The following DST variants were observed in gnomAD, a reference collection of about 807,000 sequenced individuals.
DST encodes dystonin.
Under a neutral mutation model 875.2 loss-of-function variants are expected in DST, and 253 were observed. The ratio of observed to expected loss-of-function variants is 0.29; its 90% confidence interval spans 0.26 to 0.32. The LOEUF is 0.32. Ranked by LOEUF, DST falls within the 10% of genes least tolerant of loss-of-function variation. The pLI is 1.00. For synonymous variants in DST, 3,124 were observed against 3,197.1 expected (o/e 0.98, Z 0.77); for missense variants, 8,287 against 9,111.6 (o/e 0.91, Z 3.68).
intron 3 of DST, among the ~76,000 whole-genome samples, chr6:56,886,026 T>C (rs1024013625): frequency 1.3e-5 from 2 of 152,198 alleles, no homozygotes; most frequent in African/African-American, 2.4e-5. Flanking sequence ...ATGGGCTTGA[T>C]AGTATTAGAC....
At chr6:56,577,745 A>G (rs968901453) in intron 50 of DST, among the ~76,000 whole-genome samples, 19 of 152,226 alleles carry the variant, frequency 1.2e-4, no homozygotes, top group African/African-American at 3.6e-4. Context: ...ACACACAGAA[A>G]TACACAATAA....
chr6:56,836,039 T>C (rs574629746), intron 4 of DST, among the ~76,000 whole-genome samples: 3 of 152,286 alleles, frequency 2.0e-5, no homozygotes, highest in Non-Finnish European at 4.4e-5. Flanking sequence ...ATCATTAGAA[T>C]TGATAATACA....
chr6:56,486,023 T>C (rs1268472646), intron 87 of DST, among the ~76,000 whole-genome samples: 3 of 152,164 alleles, frequency 2.0e-5, no homozygotes, highest in Admixed American at 6.5e-5. Context: ...AAACCATGCA[T>C]ACAACACTGG....
At position 56,555,672 on chromosome 6, in the gene DST, C is replaced by T; in HGVS notation, c.14809G>A (p.Asp4937Asn). 6.2e-7 allele frequency: 1 copy of T among 1,613,976 alleles called. No individual in the cohort carries two copies. Among genetic ancestry groups the T allele is most frequent in the Non-Finnish European group, 8.5e-7 (1 of 1,179,882 alleles). The stretch of plus-strand genomic sequence containing the variant: ...GCTTGGTCAATCCAGTCACATCTGT[C>T]ACTCAATTGCCCTGTTAGGCTATCC... ...KWDSLTGQLS[D>N]RCDWIDQAIV... is the part of the protein sequence containing the mutation. The change falls in exon 60 of 104, where the codon GAC becomes AAC. Residue 4937 changes from aspartate to asparagine, a missense_variant. Asp to Asn is a conservative substitution (Grantham distance 23). Coordinates refer to ENST00000680361, the MANE Select transcript of DST (RefSeq NM_001374736.1).
At chr6:56,942,789 C>G (rs2127791111) in intron 2 of DST, among the ~76,000 whole-genome samples, 1 of 147,940 alleles carries the variant, frequency 6.8e-6, no homozygotes, top group Non-Finnish European at 1.5e-5. Context: ...GATCACGGCT[C>G]ACTGTAGCTT....
chr6:56,701,691 G>A (rs1052755803), intron 8 of DST, among the ~76,000 whole-genome samples, 197 bp downstream of exon 8: 102 of 152,096 alleles, frequency 6.7e-4, no homozygotes, highest in Non-Finnish European at 1.1e-3. Context: ...TAATTCCTCT[G>A]GGCTTATCCC....
At chr6:56,781,090 G>A (rs1219263945) in intron 4 of DST, among the ~76,000 whole-genome samples, 1 of 150,926 alleles carries the variant, frequency 6.6e-6, no homozygotes, top group Non-Finnish European at 1.5e-5. Flanking sequence ...CTATATCTCT[G>A]TTTTGGTACC....
chr6:56,913,751 T>G (rs1221607985), intron 2 of DST, among the ~76,000 whole-genome samples: 1 of 152,232 alleles, frequency 6.6e-6, no homozygotes, highest in Non-Finnish European at 1.5e-5. Flanking sequence ...CTATGAAATA[T>G]AAGGTCAGCC....
intron 49 of DST, among the ~76,000 whole-genome samples, chr6:56,580,725 CTTTTTT>C (rs1167715487): frequency 2.5e-5 from 3 of 121,038 alleles, no homozygotes; most frequent in Non-Finnish European, 5.1e-5. Flanking sequence ...TTTACTTTTT[CTTTTTT>C]TTTTTTTTTT....
At position 56,628,017 on chromosome 6, in the gene DST, T is replaced by C. The variant is rs2152753143; in HGVS notation, c.4620A>G (p.Thr1540=). 6.2e-7 allele frequency: 1 copy of C among 1,613,908 alleles called. No homozygotes were observed. Among genetic ancestry groups the C allele is most frequent in the Non-Finnish European group, 8.5e-7 (1 of 1,179,802 alleles). ...NQPENSKTLA[T]QLNQQKMLVS... ...TACATACCTTCTGTTGATTCAACTG[T>C]GTGGCTAGGGTTTTACTATTTTCAG... The change falls in exon 33 of 104, where the codon ACA becomes ACG. Residue 1540 remains threonine, a synonymous_variant. Coordinates refer to ENST00000680361, the MANE Select transcript of DST (RefSeq NM_001374736.1).
chr6:56,683,852 C>G (rs1214650986), intron 9 of DST, among the ~76,000 whole-genome samples: 1 of 152,204 alleles, frequency 6.6e-6, no homozygotes, highest in Non-Finnish European at 1.5e-5. Flanking sequence ...AGCCTCGAGA[C>G]CACTCAATGA....
At chr6:56,759,328 G>A (rs2099611860) in intron 4 of DST, among the ~76,000 whole-genome samples, 1 of 152,078 alleles carries the variant, frequency 6.6e-6, no homozygotes, top group Non-Finnish European at 1.5e-5. Context: ...GCACATGCCT[G>A]TAGTCCCAGC....
At position 56,476,351 on chromosome 6, in the gene DST, A is replaced by C; in HGVS notation, c.21676-14T>G. The C allele has an allele frequency of 6.6e-7, 1 of 1,519,946 alleles. No individual in the cohort carries two copies. The highest frequency in any genetic ancestry group is 8.9e-7 in the Non-Finnish European group (1 of 1,129,542). 94.2% of individuals were successfully genotyped at this position (1,519,946 alleles called of 1,614,324 possible). A position where few individuals can be genotyped will look rare whatever the true frequency, so the allele number is the denominator to read the frequency against. On this transcript the variant is annotated splice_polypyrimidine_tract_variant and intron_variant, in intron 91 of 103. Coordinates refer to ENST00000680361, the MANE Select transcript of DST (RefSeq NM_001374736.1). Reference sequence around the variant, plus strand: ...CCAGGCCAGCACCTGTCAGAGAAACAGAAATTTCTCTGAATTTCCTCCAAC... The same window carrying C: ...CCAGGCCAGCACCTGTCAGAGAAACCGAAATTTCTCTGAATTTCCTCCAAC...
Position 56,578,797 on chromosome 6 carries a change from G to C in DST, c.13027+17C>G, listed in dbSNP as rs1307309702. On this transcript the variant is annotated intron_variant, in intron 50 of 103. Transcript: ENST00000680361. ...AATTTACCTGTGAGACAGGAAGCAAGGACATGAATATCTTACCAAGTGTTT... is the reference window on the plus strand; with the variant it reads ...AATTTACCTGTGAGACAGGAAGCAACGACATGAATATCTTACCAAGTGTTT... 1 of 1,610,572 alleles carries C rather than the reference G, an allele frequency of 6.2e-7. No homozygotes were observed. Among genetic ancestry groups the C allele is most frequent in the African/African-American group, 1.3e-5 (1 of 74,820 alleles).
At chr6:56,794,305 T>C (rs2099736066) in intron 4 of DST, among the ~76,000 whole-genome samples, 1 of 152,192 alleles carries the variant, frequency 6.6e-6, no homozygotes, top group East Asian at 1.9e-4. Flanking sequence ...TCAGTTCTGA[T>C]TATACAGAGT....
chr6:56,795,810 AAC>A (rs1387718705), intron 4 of DST, among the ~76,000 whole-genome samples: 1 of 152,190 alleles, frequency 6.6e-6, no homozygotes, highest in Non-Finnish European at 1.5e-5. Context: ...CCCAGAAGAC[AAC>A]AGATCAATCA....
In DST at chr6:56,508,749, T is replaced by G; in HGVS notation, c.19019A>C (p.Gln6340Pro). The change falls in exon 75 of 104, where the codon CAG becomes CCG. Residue 6340 changes from glutamine (Q) to proline (P), a missense_variant. Gln to Pro is a moderately conservative substitution (Grantham distance 76). Transcript: ENST00000680361. ...TDKDISAKAV[Q>P]DKLDQMVFIW... ...GAAAACCATTTGGTCAAGCTTATCC[T>G]GAACAGCTATGAAGCAAAACAATAT... 1.2e-6 allele frequency: 2 copies of G among 1,610,158 alleles called. No individual in the cohort carries two copies. Among genetic ancestry groups the G allele is most frequent in the Non-Finnish European group, 1.7e-6 (2 of 1,177,412 alleles).
chr6:56,821,326 G>A (rs1179101146), intron 4 of DST, among the ~76,000 whole-genome samples: 2 of 152,176 alleles, frequency 1.3e-5, no homozygotes, highest in Non-Finnish European at 2.9e-5. Context: ...TGTCAAATTC[G>A]TGGCAATGTT....
chr6:56,508,479 C>T, intron 75 of DST, 50 bp downstream of exon 75: 1 of 1,445,096 alleles, frequency 6.9e-7, no homozygotes. Flanking sequence ...ATCTGGATTT[C>T]ATTATGCCAC....
Sources: allele counts gnomAD v4.1 joint callset (sites outside exome capture counted in the v4.1 genomes callset), GRCh38; gene constraint gnomAD v4.1.1; transcripts MANE v1.5; gene names NCBI Gene and HGNC (gene_info 2026-07-23, HGNC 2026-07-21).